Variants in PTPRD observed in about 807,000 individuals in gnomAD.
PTPRD encodes protein tyrosine phosphatase receptor type D.
A neutral mutation model predicts 214.5 loss-of-function variants in PTPRD; 34 were observed. The ratio of observed to expected loss-of-function variants is 0.16; its 90% CI spans 0.12 to 0.21. PTPRD has a LOEUF of 0.21. Among genes scored for constraint, PTPRD ranks in the 10% least tolerant of loss-of-function variants. PTPRD has a pLI of 1.00. For missense variants in PTPRD, 2,545 were observed against 2,398.7 expected (o/e 1.06, Z -1.27); for synonymous variants, 1,128 against 845.7 (o/e 1.33, Z -5.79).
At chr9:8,613,295 C>T (rs902556585) in intron 14 of PTPRD, among the ~76,000 whole-genome samples, 43 of 152,150 alleles carry the variant, frequency 2.8e-4, no homozygotes, top group Middle Eastern at 3.4e-3. Context: ...GTGGCCTCTT[C>T]CATTTCTAGA....
chr9:10,067,481 C>T (rs2097907216), intron 3 of PTPRD, among the ~76,000 whole-genome samples: 2 of 151,824 alleles, frequency 1.3e-5, no homozygotes. Flanking sequence ...GAAACTTAGA[C>T]ACAGAAGGAT....
At chr9:10,255,943 C>T (rs1243339317) in intron 3 of PTPRD, among the ~76,000 whole-genome samples, 1 of 152,156 alleles carries the variant, frequency 6.6e-6, no homozygotes, top group East Asian at 1.9e-4. Flanking sequence ...TGTTAGGAAC[C>T]AGGTTGCACA....
chr9:9,974,847 T>C (rs962973039), intron 4 of PTPRD, among the ~76,000 whole-genome samples: 5 of 152,144 alleles, frequency 3.3e-5, no homozygotes, highest in African/African-American at 1.2e-4. Flanking sequence ...AAATGTAGCA[T>C]GCAGTGAGTG....
intron 12 of PTPRD, among the ~76,000 whole-genome samples, chr9:8,644,626 C>G (rs1379885618): frequency 1.3e-5 from 2 of 152,222 alleles, no homozygotes; most frequent in Non-Finnish European, 2.9e-5. Flanking sequence ...CTGTTGTTTC[C>G]AAGTTTCCAG....
At position 8,457,283 on chromosome 9, in the gene PTPRD, C is replaced by T. The variant is rs148369459; in HGVS notation, c.3875+3128G>A. On this transcript the variant is annotated intron_variant, in intron 33 of 45. Coordinates refer to ENST00000381196, the MANE Select transcript of PTPRD (RefSeq NM_002839.4). ...TTGGCTCCTCAGTCCAGTACTTGGCCGAACGTTGCTACTATCTTATCTCTG... is the reference window on the plus strand; with the variant it reads ...TTGGCTCCTCAGTCCAGTACTTGGCTGAACGTTGCTACTATCTTATCTCTG... 2.6e-3 allele frequency among the ~76,000 whole-genome samples: 390 copies of T among 152,082 alleles called. 1 individual carries two copies. The highest frequency in any genetic ancestry group is 8.7e-3 in the African/African-American group (362 of 41,482).
chr9:8,800,650 A>C (rs1396884639), intron 11 of PTPRD, among the ~76,000 whole-genome samples: 1 of 152,216 alleles, frequency 6.6e-6, no homozygotes, highest in Non-Finnish European at 1.5e-5. Context: ...CATTACATCA[A>C]GAAATAACCA....
chr9:9,485,209 G>A (rs1254160973), intron 8 of PTPRD, among the ~76,000 whole-genome samples: 42 of 151,958 alleles, frequency 2.8e-4, no homozygotes, highest in Non-Finnish European at 4.4e-5. Context: ...AACTATTATG[G>A]GTAAAAAAAT....
intron 11 of PTPRD, among the ~76,000 whole-genome samples, chr9:8,899,455 C>G (rs2098648071): frequency 6.6e-6 from 1 of 152,144 alleles, no homozygotes; most frequent in African/African-American, 2.4e-5. Flanking sequence ...TATCTCCCAG[C>G]TATGAGTATG....
At chr9:9,604,985 C>T (rs1226680095) in intron 7 of PTPRD, among the ~76,000 whole-genome samples, 1 of 151,972 alleles carries the variant, frequency 6.6e-6, no homozygotes, top group African/African-American at 2.4e-5. Flanking sequence ...TGGGCCAGAG[C>T]TTATTCTCAA....
chr9:9,527,152 A>G (rs2074316905), intron 8 of PTPRD, among the ~76,000 whole-genome samples: 1 of 152,170 alleles, frequency 6.6e-6, no homozygotes, highest in South Asian at 2.1e-4. Flanking sequence ...TACTATTCAA[A>G]GTTTTGAGTT....
At chr9:9,793,224 T>C (rs1370457527) in intron 5 of PTPRD, among the ~76,000 whole-genome samples, 2 of 152,160 alleles carry the variant, frequency 1.3e-5, no homozygotes, top group Non-Finnish European at 2.9e-5. Flanking sequence ...TAGATGCCAA[T>C]TGAATGGAAA....
intron 39 of PTPRD, among the ~76,000 whole-genome samples, chr9:8,354,166 A>T (rs1475913200): frequency 6.6e-6 from 1 of 151,710 alleles, no homozygotes; most frequent in Non-Finnish European, 1.5e-5. Flanking sequence ...ATCATTGCTA[A>T]GTACTCCTTA....
chr9:8,889,447 C>T (rs1281715612), intron 11 of PTPRD, among the ~76,000 whole-genome samples: 2 of 151,898 alleles, frequency 1.3e-5, no homozygotes, highest in South Asian at 2.1e-4. Flanking sequence ...TAATTCAGGG[C>T]CCATATATAT....
chr9:8,733,687 G>GA, intron 12 of PTPRD, 93 bp downstream of exon 12: 1 of 1,296,842 alleles, frequency 7.7e-7, no homozygotes, highest in Admixed American at 2.0e-5. Flanking sequence ...ACTTCCAAAG[G>GA]AAATGTATTC....
intron 45 of PTPRD, 103 bp from the exon 46 acceptor site, chr9:8,318,045 G>A: frequency 3.5e-6 from 4 of 1,127,654 alleles, no homozygotes; most frequent in Non-Finnish European, 5.2e-6. Flanking sequence ...CATCTATATA[G>A]GGGCAAAATC....
Position 8,341,995 on chromosome 9 carries a change from GAAGA to G in PTPRD, c.4662-21_4662-18del. Reference sequence around the variant, plus strand: ...ACTCCCGCACTATGAGGAAAATAGAGAAGAAAAGCCCAAATAAACCTATCAGAAA... The same window carrying G: ...ACTCCCGCACTATGAGGAAAATAGAGAAAGCCCAAATAAACCTATCAGAAA... On this transcript the variant is annotated intron_variant, in intron 39 of 45. Transcript: ENST00000381196. The G allele has an allele frequency of 6.4e-7, 1 of 1,574,124 alleles. No homozygotes were observed.
In PTPRD at chr9:10,136,028, G is replaced by C. The variant is rs555592266; in HGVS notation, c.-544-102238C>G. On this transcript the variant is annotated intron_variant, in intron 3 of 45. Coordinates refer to ENST00000381196, the MANE Select transcript of PTPRD (RefSeq NM_002839.4). ...ATGACACCCACAGGCTGAAAGAAAA[G>C]AAATGGAGAAAGACCTATCATGCAA... 2.6e-3 allele frequency among the ~76,000 whole-genome samples: 393 copies of C among 150,796 alleles called. 1 individual carries two copies. Among genetic ancestry groups the C allele is most frequent in the Non-Finnish European group, 4.1e-3 (275 of 67,776 alleles).
At chr9:10,237,950 G>A (rs2099634377) in intron 3 of PTPRD, among the ~76,000 whole-genome samples, 1 of 151,586 alleles carries the variant, frequency 6.6e-6, no homozygotes, top group African/African-American at 2.4e-5. Flanking sequence ...CAAATGATTT[G>A]ATTTTTAAAA....
At chr9:9,126,237 CTGA>C (rs1235913517) in intron 10 of PTPRD, among the ~76,000 whole-genome samples, 14 of 152,138 alleles carry the variant, frequency 9.2e-5, no homozygotes, top group African/African-American at 3.4e-4. Flanking sequence ...AGAAAATACA[CTGA>C]AGCTAACGAC....
Sources: gnomAD v4.1 joint callset for allele counts (sites outside exome capture counted in the v4.1 genomes callset) on GRCh38, gnomAD v4.1.1 for gene constraint, MANE v1.5 for transcripts, NCBI Gene and HGNC (gene_info 2026-07-23, HGNC 2026-07-21) for gene names.